Variants in SPON1 observed in about 807,000 individuals in gnomAD.
SPON1 encodes the protein spondin 1.
SPON1 carries 52 observed loss-of-function variants against 111.7 expected under a neutral mutation model. The observed-to-expected ratio is 0.47, with a 90% CI of 0.37 to 0.59. The LOEUF (loss-of-function observed/expected upper bound fraction) is 0.59. Among genes scored for constraint, SPON1 ranks in the 20% least tolerant of loss-of-function variants. The pLI is 0.00. For missense variants in SPON1, 957 were observed against 1,068.5 expected (o/e 0.90, Z 1.46); for synonymous variants, 410 against 395.8 (o/e 1.04, Z -0.43).
At chr11:14,151,725 G>C (rs893473999) in intron 6 of SPON1, among the ~76,000 whole-genome samples, 4 of 152,178 alleles carry the variant, frequency 2.6e-5, no homozygotes, top group African/African-American at 9.7e-5. Context: ...AGTTCTAATT[G>C]TTCTATAATC....
In SPON1 at chr11:14,259,194, C is replaced by G; in HGVS notation, c.1493-86C>G. ...CTCAACTGCCTGACTCCTCTTGATT[C>G]CCGCTGGCGGGAAGTTCCCACCGCG... On this transcript the variant is annotated intron_variant, in intron 11 of 15. Transcript: ENST00000576479. This position sits in a 1 kb window ranked among gnomAD's most constrained non-coding sequence, Gnocchi z 5.0. 7.0e-7 allele frequency: 1 copy of G among 1,430,374 alleles called. No homozygotes were observed. Among genetic ancestry groups the G allele is most frequent in the Non-Finnish European group, 9.3e-7 (1 of 1,073,424 alleles). The allele number at this position is 1,430,374 out of a possible 1,614,324, so 88.6% of individuals were successfully genotyped here.
chr11:14,053,195 G>A (rs890514835), intron 3 of SPON1, among the ~76,000 whole-genome samples: 1 of 152,132 alleles, frequency 6.6e-6, no homozygotes, highest in Non-Finnish European at 1.5e-5. Context: ...CAATTCAGTG[G>A]CATCTGGTAC....
chr11:14,060,404 G>A (rs1848782730), intron 3 of SPON1, among the ~76,000 whole-genome samples: 1 of 152,202 alleles, frequency 6.6e-6, no homozygotes, highest in Admixed American at 6.5e-5. Context: ...GGTATGGGTT[G>A]TGGAGTCAAA....
chr11:13,975,767 C>A (rs1235834898), intron 1 of SPON1, among the ~76,000 whole-genome samples: 8 of 152,178 alleles, frequency 5.3e-5, no homozygotes, highest in Non-Finnish European at 1.2e-4. Context: ...TTCCAGTGGT[C>A]CTTCATTGGC....
intron 2 of SPON1, among the ~76,000 whole-genome samples, chr11:14,017,362 A>G (rs1235557471): frequency 6.6e-6 from 1 of 152,222 alleles, no homozygotes; most frequent in Admixed American, 6.5e-5. Flanking sequence ...TTTTAATTAC[A>G]TCATTGTTTT....
At chr11:14,242,995 C>T (rs1441278090) in intron 6 of SPON1, among the ~76,000 whole-genome samples, 1 of 152,230 alleles carries the variant, frequency 6.6e-6, no homozygotes, top group African/African-American at 2.4e-5. Context: ...ATGGCTCTGC[C>T]CTCTGAAATG....
rs1221968920 is a variant in SPON1 at position 14,236,413 on chromosome 11, G to T, written c.826-6919G>T. ...AAGAATGAAGGAGGCTGGGCTTAGGGAGGGGAAGATCAGGAGTTTGGTTTC... is the reference window on the plus strand; with the variant it reads ...AAGAATGAAGGAGGCTGGGCTTAGGTAGGGGAAGATCAGGAGTTTGGTTTC... On this transcript the variant is annotated intron_variant, in intron 6 of 15. Transcript: ENST00000576479. 2.0e-5 allele frequency among the ~76,000 whole-genome samples: 3 copies of T among 152,170 alleles called. No individual in the cohort carries two copies. The East Asian group carries it at 5.8e-4, about 29-fold the overall frequency.
intron 6 of SPON1, among the ~76,000 whole-genome samples, chr11:14,203,765 A>G (rs1554935901): frequency 6.6e-6 from 1 of 152,174 alleles, no homozygotes; most frequent in Non-Finnish European, 1.5e-5. Context: ...CCAAATAGAT[A>G]CACACAGGAT....
At chr11:13,967,488 T>C (rs1332100345) in intron 1 of SPON1, among the ~76,000 whole-genome samples, 1 of 151,606 alleles carries the variant, frequency 6.6e-6, no homozygotes, top group Non-Finnish European at 1.5e-5. Flanking sequence ...CAATTCCTTT[T>C]GTTTGTGGGG....
intron 6 of SPON1, among the ~76,000 whole-genome samples, chr11:14,205,494 C>G (rs574451437): frequency 9.9e-5 from 15 of 152,274 alleles, no homozygotes; most frequent in African/African-American, 3.4e-4. Flanking sequence ...TTCTCATAAC[C>G]AACTCAAGCA....
chr11:14,257,959 T>TAGC (rs1273967236), intron 11 of SPON1, 61 bp downstream of exon 11: 3 of 1,435,924 alleles, frequency 2.1e-6, no homozygotes, highest in Non-Finnish European at 2.8e-6. Flanking sequence ...AGGGTCTGCC[T>TAGC]AGCAGTCAGA....
At chr11:14,099,864 G>T (rs1253261015) in intron 5 of SPON1, among the ~76,000 whole-genome samples, 1 of 152,034 alleles carries the variant, frequency 6.6e-6, no homozygotes. Flanking sequence ...GATGTCATAC[G>T]GTGAGAGAAG....
intron 6 of SPON1, among the ~76,000 whole-genome samples, chr11:14,192,292 C>A (rs1349373231): frequency 6.6e-6 from 1 of 151,180 alleles, no homozygotes; most frequent in Non-Finnish European, 1.5e-5. Flanking sequence ...AAAATGAAGT[C>A]TTCTCCTACT....
rs527663979 is a variant in SPON1 at position 14,012,448 on chromosome 11, A to G, written c.346-29073A>G. ...ACCAGATTAACACCAGATTCCTCAT[A>G]GAGCAACTTAGTTATGCCAAGCATA... On this transcript the variant is annotated intron_variant, in intron 2 of 15. Coordinates refer to ENST00000576479, the MANE Select transcript of SPON1 (RefSeq NM_006108.4). 3.5e-4 allele frequency among the ~76,000 whole-genome samples: 53 copies of G among 152,260 alleles called. No homozygotes were observed. The South Asian group carries it at 6.0e-3, about 17-fold the overall frequency.
chr11:14,177,194 C>T (rs1249274229), intron 6 of SPON1, among the ~76,000 whole-genome samples: 1 of 152,194 alleles, frequency 6.6e-6, no homozygotes, highest in Admixed American at 6.5e-5. Context: ...GCGCCCACCA[C>T]CATACGCAGC....
At chr11:14,046,952 A>C (rs1848672767) in intron 3 of SPON1, among the ~76,000 whole-genome samples, 1 of 151,936 alleles carries the variant, frequency 6.6e-6, no homozygotes, top group Non-Finnish European at 1.5e-5. Flanking sequence ...TTATAGTTTT[A>C]TTTCTTTTGT....
chr11:14,033,168 A>G (rs78029726), intron 2 of SPON1, among the ~76,000 whole-genome samples: 1,686 of 152,248 alleles, frequency 0.011, 30 homozygotes, highest in African/African-American at 0.039. Context: ...TGTGGATGCT[A>G]TTCCAAGTTC....
At chr11:13,989,840 A>G (rs1206848729) in intron 2 of SPON1, among the ~76,000 whole-genome samples, 1 of 152,114 alleles carries the variant, frequency 6.6e-6, no homozygotes, top group Non-Finnish European at 1.5e-5. Flanking sequence ...TTCAGTTTCC[A>G]TGTAGTTGTG....
chr11:14,093,428 T>C (rs79717515), intron 5 of SPON1, among the ~76,000 whole-genome samples: 3,187 of 152,336 alleles, frequency 0.021, 117 homozygotes, highest in African/African-American at 0.072. Context: ...AGAGACCCTT[T>C]AATCACCTTT....
Sources: allele counts gnomAD v4.1 joint callset (sites outside exome capture counted in the v4.1 genomes callset), GRCh38; gene constraint gnomAD v4.1.1; non-coding constraint Gnocchi (gnomAD v3.1); transcripts MANE v1.5; gene names NCBI Gene and HGNC (gene_info 2026-07-23, HGNC 2026-07-21).